EIF3H: variants seen among roughly 807,000 people sequenced by gnomAD.
EIF3H encodes eukaryotic translation initiation factor 3 subunit H.
In EIF3H, 26 loss-of-function variants were observed where a neutral mutation model predicts 44.2. The observed-to-expected ratio is 0.59, with a 90% CI of 0.43 to 0.82. EIF3H has a LOEUF of 0.82. Ranked by LOEUF, EIF3H falls within the 40% of genes least tolerant of loss-of-function variation. The pLI is 0.00. For missense variants in EIF3H, 359 were observed against 432.8 expected (o/e 0.83, Z 1.51); for synonymous variants, 166 against 151.9 (o/e 1.09, Z -0.68).
chr8:116,741,106 CT>C (rs1197905330), intron 1 of EIF3H, among the ~76,000 whole-genome samples: 3 of 151,692 alleles, frequency 2.0e-5, no homozygotes, highest in African/African-American at 7.3e-5. Context: ...TTTTTTCTAT[CT>C]TTTTTTTAGA....
Position 116,643,364 on chromosome 8 carries a change from G to A in EIF3H, c.*1642C>T, listed in dbSNP as rs1388713770. The A allele has an allele frequency of 6.6e-6, 1 of 152,192 alleles. No homozygotes were observed. The highest frequency in any genetic ancestry group is 1.5e-5 in the Non-Finnish European group (1 of 68,032). 9.4% of individuals were successfully genotyped at this position (152,192 alleles called of 1,614,324 possible). A position where few individuals can be genotyped will look rare whatever the true frequency, so the allele number is the denominator to read the frequency against. On this transcript the variant is annotated 3_prime_UTR_variant, in exon 8 of 8. Coordinates refer to ENST00000521861, the MANE Select transcript of EIF3H (RefSeq NM_003756.3). The stretch of plus-strand genomic sequence containing the variant: ...CTTTGACTCGTAAGTCTATATCAAA[G>A]ATTATCCTAAAGAAATAATTATATA...
chr8:116,678,162 G>GT lies in EIF3H; in HGVS notation c.290-19183dup, dbSNP rs1294897231. Among the ~76,000 whole-genome samples the GT allele has an allele frequency of 4.5e-3, 654 of 146,128 alleles. 4 individuals carry two copies. The highest frequency in any genetic ancestry group is 0.014 in the African/African-American group (571 of 40,220). On this transcript the variant is annotated intron_variant, in intron 2 of 7. Coordinates refer to ENST00000521861, the MANE Select transcript of EIF3H (RefSeq NM_003756.3). The stretch of plus-strand genomic sequence containing the variant: ...GCGCCGCCACGCCTGACTGGTTTTC[G>GT]TTTTTTTTTTTTGGTGGAGACGGGG...
rs73701462 is a variant in EIF3H at position 116,727,882 on chromosome 8, T to C, written c.133-1710A>G. Among the ~76,000 whole-genome samples the C allele has an allele frequency of 8.5e-3, 1,288 of 152,252 alleles. 22 individuals are homozygous for C. The highest frequency in any genetic ancestry group is 0.03 in the African/African-American group (1,234 of 41,530). On this transcript the variant is annotated intron_variant, in intron 1 of 7. Coordinates refer to ENST00000521861, the MANE Select transcript of EIF3H (RefSeq NM_003756.3). The stretch of plus-strand genomic sequence containing the variant: ...AACTTTGTTAATGTGCTGTGGAAGA[T>C]TGAAAATTTGAGTATGTAGTCTATA...
At chr8:116,763,765 GAAT>G (rs1360055459) in intron 1 of EIF3H, among the ~76,000 whole-genome samples, 1 of 152,108 alleles carries the variant, frequency 6.6e-6, no homozygotes, top group East Asian at 1.9e-4. Flanking sequence ...ATATAAGGAA[GAAT>G]AATACCACAA....
chr8:116,725,568 T>C (rs1339209105), intron 2 of EIF3H, among the ~76,000 whole-genome samples: 1 of 152,218 alleles, frequency 6.6e-6, no homozygotes, highest in African/African-American at 2.4e-5. Flanking sequence ...ACTACACCTA[T>C]AGTACAAAAA....
At position 116,642,211 on chromosome 8, in the gene EIF3H, A is replaced by G. The variant is rs559049390; in HGVS notation, c.*2795T>C. The G allele has an allele frequency of 5.9e-4, 90 of 152,328 alleles. No individual in the cohort carries two copies. The highest frequency in any genetic ancestry group is 2.1e-3 in the African/African-American group (86 of 41,582). 9.4% of individuals were successfully genotyped at this position (152,328 alleles called of 1,614,324 possible). On this transcript the variant is annotated 3_prime_UTR_variant, in exon 8 of 8. Coordinates refer to ENST00000521861, the MANE Select transcript of EIF3H (RefSeq NM_003756.3). ...TTTCATAACATTCTGATACCACTAC[A>G]CCTGAGTTCGATGCCAGCATGGTTT... is the stretch of plus-strand genomic sequence containing the variant.
intron 1 of EIF3H, among the ~76,000 whole-genome samples, chr8:116,754,885 C>G (rs984952977): frequency 6.6e-6 from 1 of 152,180 alleles, no homozygotes; most frequent in Admixed American, 6.5e-5. Flanking sequence ...TATCTAAGAT[C>G]TGCATTAATA....
chr8:116,751,946 T>C (rs1180464878), intron 1 of EIF3H, among the ~76,000 whole-genome samples: 2 of 152,186 alleles, frequency 1.3e-5, no homozygotes, highest in South Asian at 2.1e-4. Context: ...CTCCAGAGCA[T>C]GTACTTTTAT....
Position 116,644,940 on chromosome 8 carries a change from T to C in EIF3H, c.*66A>G, listed in dbSNP as rs561915323. The C allele has an allele frequency of 1.6e-6, 2 of 1,261,746 alleles. No individual in the cohort carries two copies. Among genetic ancestry groups the C allele is most frequent in the Admixed American group, 3.9e-5 (2 of 51,298 alleles). 78.2% of individuals were successfully genotyped at this position (1,261,746 alleles called of 1,614,324 possible). ...CTTTTCAATATGCAAATATATTTCT[T>C]CCAAGAGTTGCCCTGGTGTGACTTC... On this transcript the variant is annotated 3_prime_UTR_variant, in exon 8 of 8. Coordinates refer to ENST00000521861, the MANE Select transcript of EIF3H (RefSeq NM_003756.3).
chr8:116,752,795 GGGAAGGAA>G lies in EIF3H; in HGVS notation c.132+2863_132+2870del, dbSNP rs1302875837. On this transcript the variant is annotated intron_variant, in intron 1 of 7. Transcript: ENST00000521861. ...AGGGAGGGAGGGAGGGAGGGAGGGA[GGGAAGGAA>G]GGAAGGAAGGAAGGAAGGAAGGAAG... Among the ~76,000 whole-genome samples, 561 of 80,372 alleles carry G rather than the reference GGGAAGGAA, an allele frequency of 7.0e-3. 14 individuals carry two copies. The East Asian group carries it at 0.076, about 11-fold the overall frequency. The allele number at this position is 80,372 out of a possible 152,430, so 52.7% of individuals were successfully genotyped here. A position where few individuals can be genotyped will look rare whatever the true frequency, so the allele number is the denominator to read the frequency against.
intron 2 of EIF3H, among the ~76,000 whole-genome samples, chr8:116,660,724 G>T (rs1248462499): frequency 6.6e-6 from 1 of 152,152 alleles, no homozygotes; most frequent in Non-Finnish European, 1.5e-5. Context: ...GAAAAAAAGT[G>T]TTAATATAGA....
rs571139962 is a variant in EIF3H at position 116,672,586 on chromosome 8, T to G, written c.290-13606A>C. 1.2e-4 allele frequency among the ~76,000 whole-genome samples: 18 copies of G among 151,800 alleles called. No homozygotes were observed. The South Asian group carries it at 3.7e-3, about 32-fold the overall frequency. On this transcript the variant is annotated intron_variant, in intron 2 of 7. Coordinates refer to ENST00000521861, the MANE Select transcript of EIF3H (RefSeq NM_003756.3). ...TTGAGGCTGCAGTGAGCTATGATCA[T>G]GCCACTGCACTCCAGCCTAGTCCAC...
chr8:116,667,362 T>C (rs28668628), intron 2 of EIF3H, among the ~76,000 whole-genome samples: 19,587 of 151,876 alleles, frequency 0.13, 1,539 homozygotes, highest in African/African-American at 0.22. Flanking sequence ...AGAAAAATCA[T>C]GCTTGATTTG....
At chr8:116,759,450 T>C (rs1815492464), upstream of EIF3H, among the ~76,000 whole-genome samples, 2 of 152,164 alleles carry the variant, frequency 1.3e-5, no homozygotes, top group African/African-American at 2.4e-5. Context: ...CACTGCCCAG[T>C]AAAAGTCAGG....
At chr8:116,736,888 T>C (rs1352789917) in intron 1 of EIF3H, among the ~76,000 whole-genome samples, 1 of 152,206 alleles carries the variant, frequency 6.6e-6, no homozygotes, top group African/African-American at 2.4e-5. Context: ...ATCTATTGAC[T>C]CATGTTTTTA....
Position 116,755,765 on chromosome 8 carries a change from A to T in EIF3H, c.33T>A (p.Thr11=). 6.2e-7 allele frequency: 1 copy of T among 1,614,130 alleles called. No homozygotes were observed. Among genetic ancestry groups the T allele is most frequent in the Non-Finnish European group, 8.5e-7 (1 of 1,180,026 alleles). Residue 11 remains threonine, a synonymous_variant, in exon 1 of 8, where the codon ACT becomes ACA. Transcript: ENST00000521861. MASRKEGTGS[T]ATSSSSTAGA... Reference sequence around the variant, plus strand: ...CGGCGGTGGAGCTGGAAGAGGTGGCAGTAGAGCCGGTACCTTCCTTGCGGG... The same window carrying T: ...CGGCGGTGGAGCTGGAAGAGGTGGCTGTAGAGCCGGTACCTTCCTTGCGGG...
At chr8:116,756,678 T>TG, upstream of EIF3H, among the ~76,000 whole-genome samples, 1 of 152,364 alleles carries the variant, frequency 6.6e-6, no homozygotes, top group East Asian at 1.9e-4. Flanking sequence ...TTTTTGTTGT[T>TG]TTGTCATTGG....
At chr8:116,704,228 G>C (rs1305451650) in intron 2 of EIF3H, among the ~76,000 whole-genome samples, 1 of 152,146 alleles carries the variant, frequency 6.6e-6, no homozygotes, top group Non-Finnish European at 1.5e-5. Flanking sequence ...AAAGTACTTA[G>C]CTTCTCTAGC....
At chr8:116,755,268 A>G (rs4449824) in intron 1 of EIF3H, among the ~76,000 whole-genome samples, 83,884 of 152,084 alleles carry the variant, frequency 0.55, 24,872 homozygotes, top group Non-Finnish European at 0.67. Context: ...TATAGATGTC[A>G]GATCCCAGCA....
Sources: allele counts gnomAD v4.1 joint callset (sites outside exome capture counted in the v4.1 genomes callset), GRCh38; gene constraint gnomAD v4.1.1; transcripts MANE v1.5; gene names NCBI Gene and HGNC (gene_info 2026-07-23, HGNC 2026-07-21).